Variants in POFUT4 observed in about 807,000 individuals in gnomAD.
The protein encoded by POFUT4 is protein O-fucosyltransferase 4.
chr10:73,779,074 T>TA, the POFUT4 span: 4,843 of 69,024 alleles, frequency 0.07, 235 homozygotes, highest in African/African-American at 0.19. Flanking sequence ...CTCCAGAAAC[T>TA]AAAAAAAAAA....
the POFUT4 span, chr10:73,772,423 G>A: frequency 2.5e-6 from 4 of 1,570,506 alleles, no homozygotes; most frequent in East Asian, 4.7e-5. Context: ...TAGCGGAGAG[G>A]GAGGCCGGCG....
chr10:73,779,022 T>A, the POFUT4 span: 2 of 143,996 alleles, frequency 1.4e-5, no homozygotes, highest in Non-Finnish European at 3.0e-5. Flanking sequence ...GCCTTGTAGA[T>A]CCAGCTACTT....
At chr10:73,775,770 C>G in the POFUT4 span, 12 of 1,309,092 alleles carry the variant, frequency 9.2e-6, no homozygotes, top group Non-Finnish European at 1.2e-5. Context: ...CTGCACAAAC[C>G]CTTAATGAAC....
At chr10:73,776,022 T>A in the POFUT4 span, 1 of 253,826 alleles carries the variant, frequency 3.9e-6, no homozygotes, top group Non-Finnish European at 7.7e-6. Context: ...ACCAGTGAAG[T>A]AAGATGGGTC....
the POFUT4 span, among the ~76,000 whole-genome samples, chr10:73,777,940 G>A: frequency 6.7e-6 from 1 of 150,150 alleles, no homozygotes; most frequent in Admixed American, 6.7e-5. Context: ...GCTCACTGCA[G>A]CCTCTGCCTC....
the POFUT4 span, chr10:73,779,740 A>G: frequency 6.6e-6 from 1 of 152,200 alleles, no homozygotes; most frequent in African/African-American, 2.4e-5. Context: ...TGTGCAATAA[A>G]AAGGTTAAGT....
chr10:73,775,633 C>T, the POFUT4 span: 54 of 1,614,020 alleles, frequency 3.3e-5, no homozygotes, highest in Admixed American at 5.0e-5. Context: ...ACAGAGCAGA[C>T]GAAATTTTGG....
At chr10:73,773,944 G>T in the POFUT4 span, 12 of 1,033,052 alleles carry the variant, frequency 1.2e-5, no homozygotes, top group African/African-American at 1.6e-4. Flanking sequence ...CTGTATTTAA[G>T]GTGTCAACAG....
At chr10:73,773,010 G>T in the POFUT4 span, 1 of 1,583,976 alleles carries the variant, frequency 6.3e-7, no homozygotes, top group Non-Finnish European at 8.6e-7. Context: ...GACCGGGACC[G>T]CTACGTGCGC....
At chr10:73,775,471 C>T in the POFUT4 span, 9 of 1,613,880 alleles carry the variant, frequency 5.6e-6, no homozygotes, top group South Asian at 3.3e-5. Flanking sequence ...TCTTTGGCCC[C>T]ACTCGGAAAA....
At chr10:73,772,990 C>T in the POFUT4 span, 38 of 1,596,344 alleles carry the variant, frequency 2.4e-5, no homozygotes, top group Non-Finnish European at 2.7e-5. Context: ...CACACTGCGA[C>T]GTGCCAGCGG....
chr10:73,776,969 G>A, the POFUT4 span, among the ~76,000 whole-genome samples: 4 of 152,134 alleles, frequency 2.6e-5, no homozygotes, highest in Admixed American at 6.5e-5. Context: ...GTCAGCCACC[G>A]CACCCGGCCT....
At chr10:73,776,048 A>G in the POFUT4 span, 1 of 205,404 alleles carries the variant, frequency 4.9e-6, no homozygotes, top group South Asian at 1.1e-4. Context: ...ACGACTTACA[A>G]CTTTTGTTCT....
chr10:73,773,061 A>G, the POFUT4 span: 1 of 1,553,652 alleles, frequency 6.4e-7, no homozygotes, highest in Non-Finnish European at 8.6e-7. Flanking sequence ...GGCGGGCCGG[A>G]GGGAAGGAAA....
the POFUT4 span, chr10:73,772,565 C>T: frequency 3.8e-6 from 6 of 1,587,642 alleles, no homozygotes; most frequent in South Asian, 4.6e-5. Flanking sequence ...CTTGCCGGTA[C>T]TGCTGTGGTG....
the POFUT4 span, chr10:73,772,967 C>T: frequency 1.2e-6 from 2 of 1,604,550 alleles, no homozygotes; most frequent in East Asian, 2.2e-5. Context: ...CGCGCCGCTG[C>T]TCTATCTGCA....
At chr10:73,773,381 C>T in the POFUT4 span, 52 of 1,614,066 alleles carry the variant, frequency 3.2e-5, no homozygotes, top group Non-Finnish European at 4.2e-5. Context: ...TGCACCTGGG[C>T]GCTGTGCCCG....
At chr10:73,777,764 A>G in the POFUT4 span, among the ~76,000 whole-genome samples, 2 of 152,048 alleles carry the variant, frequency 1.3e-5, no homozygotes, top group Admixed American at 1.3e-4. Context: ...CATGTTGGCC[A>G]GTCTGGTGTC....
At chr10:73,779,931 T>C in the POFUT4 span, 1 of 152,244 alleles carries the variant, frequency 6.6e-6, no homozygotes, top group Admixed American at 6.5e-5. Context: ...TATCACCATA[T>C]ACGTACTCAC....
Sources: gnomAD v4.1 joint callset for allele counts (sites outside exome capture counted in the v4.1 genomes callset) on GRCh38, gnomAD v4.1.1 for gene constraint, MANE v1.5 for transcripts, NCBI Gene and HGNC (gene_info 2026-07-23, HGNC 2026-07-21) for gene names.